Variants in CYP4V2 observed in about 807,000 individuals in gnomAD.
CYP4V2 encodes the protein cytochrome P450 family 4 subfamily V member 2.
A neutral mutation model predicts 60.8 loss-of-function variants in CYP4V2; 55 were observed. The ratio of observed to expected loss-of-function variants is 0.90; its 90% CI spans 0.73 to 1.13. CYP4V2 has a LOEUF of 1.13. Ranked by LOEUF, CYP4V2 falls within the 50% of genes most tolerant of loss-of-function variation. The pLI is 0.00. For synonymous variants in CYP4V2, 239 were observed against 236.8 expected, an observed-to-expected ratio of 1.01 and a Z score of -0.08; for missense variants, 675 against 662.9, an observed-to-expected ratio of 1.02 and a Z score of -0.20.
chr4:186,200,822 C>G (rs959777004), intron 6 of CYP4V2, among the ~76,000 whole-genome samples: 6 of 152,106 alleles, frequency 3.9e-5, no homozygotes, highest in African/African-American at 1.4e-4. Flanking sequence ...TGCATTCACT[C>G]TACCACTTAA....
intron 8 of CYP4V2, among the ~76,000 whole-genome samples, chr4:186,206,060 A>T (rs1424784554): frequency 6.6e-6 from 1 of 152,200 alleles, no homozygotes; most frequent in African/African-American, 2.4e-5. Context: ...GCTGTGGCCC[A>T]CTGGGAAAAT....
At chr4:186,202,511 A>C (rs1736334715) in intron 7 of CYP4V2, 1 of 152,180 alleles carries the variant, frequency 6.6e-6, no homozygotes. Flanking sequence ...AGTATGCGGC[A>C]CATACCGGGT....
At position 186,192,329 on chromosome 4, in the gene CYP4V2, G is replaced by A. The variant is rs886088788; in HGVS notation, c.214+292G>A. On this transcript the variant is annotated intron_variant, in intron 1 of 10. Transcript: ENST00000378802. ...GCTGCTCAGCTCTCAAAGCCCTGCC[G>A]TTTCCTCCTGCCTTGGCTTGGGAAG... 3.3e-5 allele frequency: 21 copies of A among 639,816 alleles called. No individual in the cohort carries two copies. In the African/African-American group the frequency reaches 3.6e-4, roughly 11 times the overall value. 39.6% of individuals were successfully genotyped at this position (639,816 alleles called of 1,614,324 possible).
Position 186,207,277 on chromosome 4 carries a change from C to A in CYP4V2, c.1091-1588C>A, listed in dbSNP as rs550582933. On this transcript the variant is annotated intron_variant, in intron 8 of 10. Transcript: ENST00000378802. ...CAAAAAAATTAGCCGGGCATGGTGG[C>A]AGGTGCCTGTAGTCCCAGCTACTCG... 1.7e-3 allele frequency among the ~76,000 whole-genome samples: 262 copies of A among 151,808 alleles called. 1 individual carries two copies. Among genetic ancestry groups the A allele is most frequent in the Middle Eastern group, 3.4e-3 (1 of 294 alleles).
Position 186,195,753 on chromosome 4 carries a change from C to T in CYP4V2, c.328-250C>T, listed in dbSNP as rs908626367. Among the ~76,000 whole-genome samples the T allele has an allele frequency of 4.6e-5, 7 of 152,140 alleles. No individual in the cohort carries two copies. The highest frequency in any genetic ancestry group is 1.2e-4 in the African/African-American group (5 of 41,440). Reference sequence around the variant, plus strand: ...ACTCCACTTGGTTCCTGGTTTATGGCGGGAACCAGAGAATCATCTGGGACA... The same window carrying T: ...ACTCCACTTGGTTCCTGGTTTATGGTGGGAACCAGAGAATCATCTGGGACA... On this transcript the variant is annotated intron_variant, in intron 2 of 10. Coordinates refer to ENST00000378802, the MANE Select transcript of CYP4V2 (RefSeq NM_207352.4). The surrounding 1 kb of genome is among the most constrained non-coding windows in gnomAD (Gnocchi z 4.1).
At chr4:186,206,618 G>A (rs1377973701) in intron 8 of CYP4V2, among the ~76,000 whole-genome samples, 1 of 152,204 alleles carries the variant, frequency 6.6e-6, no homozygotes, top group Non-Finnish European at 1.5e-5. Flanking sequence ...TCTAGAAAGA[G>A]AGGAAGCAGA....
chr4:186,201,545 G>T, intron 7 of CYP4V2: 2 of 553,960 alleles, frequency 3.6e-6, no homozygotes, highest in Non-Finnish European at 6.2e-6. Context: ...ACTAGTGCTG[G>T]GCACAGCAGT....
chr4:186,210,346 T>TC, intron 10 of CYP4V2, 123 bp from the exon 11 acceptor site: 1 of 1,242,572 alleles, frequency 8.0e-7, no homozygotes, highest in Non-Finnish European at 1.2e-6. Flanking sequence ...TCCAAGCCAT[T>TC]CTGGTTCTCC....
At position 186,212,028 on chromosome 4, in the gene CYP4V2, G is replaced by A. The variant is rs1736740475; in HGVS notation, c.*1387G>A. ...GCCTTTTGGAGCTAGAAGGACTTTA[G>A]AACTTATCTAGTTATGCTCCTTTAT... On this transcript the variant is annotated 3_prime_UTR_variant, in exon 11 of 11. Coordinates refer to ENST00000378802, the MANE Select transcript of CYP4V2 (RefSeq NM_207352.4). 1.3e-5 allele frequency: 2 copies of A among 152,046 alleles called. No individual in the cohort carries two copies. The highest frequency in any genetic ancestry group is 6.5e-5 in the Admixed American group (1 of 15,274). 9.4% of individuals were successfully genotyped at this position (152,046 alleles called of 1,614,324 possible).
At position 186,196,047 on chromosome 4, in the gene CYP4V2, C is replaced by T; in HGVS notation, c.372C>T (p.Tyr124=). 1 of 1,614,102 alleles carries T rather than the reference C, an allele frequency of 6.2e-7. No homozygotes were observed. Among genetic ancestry groups the T allele is most frequent in the Non-Finnish European group, 8.5e-7 (1 of 1,179,964 alleles). The part of the protein sequence containing the change: ...SSKQIDKSSM[Y]KFLEPWLGLG... ...AGCAAATTGACAAATCCTCTATGTACAAGTTTTTAGAACCATGGCTTGGCC... is the reference window on the plus strand; with the variant it reads ...AGCAAATTGACAAATCCTCTATGTATAAGTTTTTAGAACCATGGCTTGGCC... The change falls in exon 3 of 11, where the codon TAC becomes TAT. Residue 124 remains tyrosine, a synonymous_variant. Coordinates refer to ENST00000378802, the MANE Select transcript of CYP4V2 (RefSeq NM_207352.4).
At position 186,211,215 on chromosome 4, in the gene CYP4V2, C is replaced by G. The variant is rs1164998260; in HGVS notation, c.*574C>G. On this transcript the variant is annotated 3_prime_UTR_variant, in exon 11 of 11. Coordinates refer to ENST00000378802, the MANE Select transcript of CYP4V2 (RefSeq NM_207352.4). ...CAAAAGTAGTTAATTGTGTCAGCAC[C>G]CAAATAAACATCTAACAGGTTTCTC... The G allele has an allele frequency of 1.3e-5, 2 of 152,764 alleles. No individual in the cohort carries two copies. Among genetic ancestry groups the G allele is most frequent in the Non-Finnish European group, 2.9e-5 (2 of 68,608 alleles). The allele number at this position is 152,764 out of a possible 1,614,324, so 9.5% of individuals were successfully genotyped here.
Position 186,209,208 on chromosome 4 carries a change from G to A in CYP4V2, c.1341G>A (p.Glu447=). ...TCCAGCCTGAGCGGTTCTTCCCCGA[G>A]AATGCACAAGGGCGCCATCCATATG... ...EEFQPERFFP[E]NAQGRHPYAY... The change falls in exon 10 of 11, where the codon GAG becomes GAA. Residue 447 remains glutamate (E), a synonymous_variant. Coordinates refer to ENST00000378802, the MANE Select transcript of CYP4V2 (RefSeq NM_207352.4). 6.2e-7 allele frequency: 1 copy of A among 1,614,020 alleles called. No homozygotes were observed. The highest frequency in any genetic ancestry group is 8.5e-7 in the Non-Finnish European group (1 of 1,180,014).
chr4:186,197,289 C>A, intron 4 of CYP4V2, 159 bp downstream of exon 4: 1 of 966,246 alleles, frequency 1.0e-6, no homozygotes, highest in Non-Finnish European at 1.6e-6. Flanking sequence ...GGAGCAGCAG[C>A]CACGCCCAGG....
intron 3 of CYP4V2, 131 bp downstream of exon 3, chr4:186,196,219 C>G: frequency 1.1e-6 from 1 of 874,292 alleles, no homozygotes; most frequent in East Asian, 2.6e-5. Flanking sequence ...AGGAGAAAGG[C>G]TGGAAAGGAA....
intron 6 of CYP4V2, among the ~76,000 whole-genome samples, chr4:186,199,471 G>A (rs2292424): frequency 0.36 from 54,132 of 152,014 alleles, 10,005 homozygotes; most frequent in Non-Finnish European, 0.41. Flanking sequence ...TATATGGTCC[G>A]TACCTGAAAG....
chr4:186,194,122 C>A (rs1469694925), intron 1 of CYP4V2, among the ~76,000 whole-genome samples: 7 of 152,206 alleles, frequency 4.6e-5, no homozygotes, highest in African/African-American at 1.7e-4. Context: ...TTGGAAGCAG[C>A]ATAGTTTATG....
chr4:186,197,593 C>T lies in CYP4V2; in HGVS notation c.665C>T (p.Ala222Val), dbSNP rs1249495453. Residue 222 changes from alanine to valine, a missense_variant, in exon 5 of 11, where the codon GCA becomes GTA. Physicochemically the swap from Ala to Val is moderately conservative, Grantham distance 64. Coordinates refer to ENST00000378802, the MANE Select transcript of CYP4V2 (RefSeq NM_207352.4). ...AATGATGATTCCGAGTATGTCCGTG[C>T]AGTTTATAGGTAAATGGAGTCCTTT... ...QSNDDSEYVR[A>V]VYRMSEMIFR... 1.2e-6 allele frequency: 2 copies of T among 1,613,998 alleles called. No homozygotes were observed. Among genetic ancestry groups the T allele is most frequent in the Non-Finnish European group, 1.7e-6 (2 of 1,179,990 alleles).
intron 8 of CYP4V2, among the ~76,000 whole-genome samples, chr4:186,205,532 A>G (rs1448288626): frequency 6.6e-6 from 1 of 152,174 alleles, no homozygotes; most frequent in African/African-American, 2.4e-5. Context: ...GCTGTCCTCA[A>G]GGGTCTCACT....
chr4:186,191,713 G>A lies in CYP4V2; in HGVS notation c.-111G>A, dbSNP rs754210016. On this transcript the variant is annotated 5_prime_UTR_variant, in exon 1 of 11. Transcript: ENST00000378802. ...ACCGGGCGACCCCGCAGCGGGGAGC[G>A]CGCCAGGTCCGCGCGGGGAAGTGGG... The A allele has an allele frequency of 9.5e-7, 1 of 1,050,308 alleles. No homozygotes were observed. Among genetic ancestry groups the A allele is most frequent in the Non-Finnish European group, 1.2e-6 (1 of 822,712 alleles). The allele number at this position is 1,050,308 out of a possible 1,614,324, so 65.1% of individuals were successfully genotyped here. A position where few individuals can be genotyped will look rare whatever the true frequency, so the allele number is the denominator to read the frequency against.
Sources: gnomAD v4.1 joint callset for allele counts (sites outside exome capture counted in the v4.1 genomes callset) on GRCh38, gnomAD v4.1.1 for gene constraint, Gnocchi (gnomAD v3.1) non-coding constraint, MANE v1.5 for transcripts, NCBI Gene and HGNC (gene_info 2026-07-23, HGNC 2026-07-21) for gene names.